The following ARMH3 variants were observed in gnomAD, a reference collection of about 807,000 sequenced individuals.
The protein encoded by ARMH3 is armadillo like helical domain containing 3, also known as armadillo-like helical domain-containing protein 3.
ARMH3 carries 60 observed loss-of-function variants against 99.1 expected under a neutral mutation model. The ratio of observed to expected loss-of-function variants is 0.61; its 90% CI spans 0.49 to 0.75. ARMH3 has a LOEUF of 0.75. Among genes scored for constraint, ARMH3 ranks in the 30% least tolerant of loss-of-function variants. The pLI is 0.00. For missense variants in ARMH3, 679 were observed against 843.1 expected (o/e 0.81, Z 2.41); for synonymous variants, 285 against 292.8 (o/e 0.97, Z 0.27).
intron 23 of ARMH3, among the ~76,000 whole-genome samples, chr10:101,906,474 G>A (rs1230908325): frequency 6.6e-6 from 1 of 152,202 alleles, no homozygotes; most frequent in East Asian, 1.9e-4. Context: ...GAACAGTTAG[G>A]AGGCTCTTAT....
In ARMH3 at chr10:102,013,951, A is replaced by T. The variant is rs1315050603; in HGVS notation, c.726+17T>A. 7.6e-6 allele frequency: 12 copies of T among 1,584,438 alleles called. No homozygotes were observed. Among genetic ancestry groups the T allele is most frequent in the Middle Eastern group, 1.7e-4 (1 of 5,988 alleles). On this transcript the variant is annotated intron_variant, in intron 9 of 25. Transcript: ENST00000370033. ...ATGCAAATAAGTAAGACAATACACAAGGATCCAGATACTCACATTGAGTGT... is the reference window on the plus strand; with the variant it reads ...ATGCAAATAAGTAAGACAATACACATGGATCCAGATACTCACATTGAGTGT...
Position 102,002,914 on chromosome 10 carries a change from T to C in ARMH3, c.1049-842A>G, listed in dbSNP as rs1031882370. 2.6e-5 allele frequency among the ~76,000 whole-genome samples: 4 copies of C among 151,334 alleles called. No individual in the cohort carries two copies. In the East Asian group the frequency reaches 6.0e-4, roughly 23 times the overall value. On this transcript the variant is annotated intron_variant, in intron 14 of 25. Transcript: ENST00000370033. The stretch of plus-strand genomic sequence containing the variant: ...AGGCGGAGGTTGTAGTGAGCCGAGA[T>C]GGCGCCACTGCACTCCAGCCTGGGT...
chr10:102,006,644 T>C lies in ARMH3; in HGVS notation c.955-11A>G, dbSNP rs745661640. ...CATTTCTGGATGGCTCTGAAAAAGA[T>C]ACACAGATGTGTAAGAAAACAGAAA... On this transcript the variant is annotated splice_polypyrimidine_tract_variant and intron_variant, in intron 13 of 25. Transcript: ENST00000370033. 1 of 1,611,458 alleles carries C rather than the reference T, an allele frequency of 6.2e-7. No homozygotes were observed. The highest frequency in any genetic ancestry group is 1.1e-5 in the South Asian group (1 of 91,010).
At chr10:101,855,504 G>A (rs1474877057) in intron 24 of ARMH3, among the ~76,000 whole-genome samples, 6 of 150,844 alleles carry the variant, frequency 4.0e-5, no homozygotes, top group Non-Finnish European at 5.9e-5. Flanking sequence ...GAGGTCAGGA[G>A]TTCAAGACCA....
At chr10:102,027,628 T>C (rs919518442) in intron 5 of ARMH3, among the ~76,000 whole-genome samples, 1 of 151,978 alleles carries the variant, frequency 6.6e-6, no homozygotes, top group African/African-American at 2.4e-5. Flanking sequence ...TCTGAGATCA[T>C]GAAGAGACAT....
chr10:101,876,590 T>C (rs748507623), intron 24 of ARMH3, among the ~76,000 whole-genome samples: 1 of 152,256 alleles, frequency 6.6e-6, no homozygotes, highest in Non-Finnish European at 1.5e-5. Context: ...AATGCTGTTA[T>C]GGTACTTGGG....
intron 1 of ARMH3, among the ~76,000 whole-genome samples, chr10:102,053,695 T>C (rs1409700406): frequency 6.6e-6 from 1 of 151,720 alleles, no homozygotes; most frequent in East Asian, 1.9e-4. Context: ...AGTCTCGCTC[T>C]GTCGCCCAGG....
chr10:102,023,379 C>A (rs1485473987), intron 8 of ARMH3, 98 bp downstream of exon 8: 2 of 1,084,606 alleles, frequency 1.8e-6, no homozygotes, highest in Non-Finnish European at 2.7e-6. Context: ...ATACCATTTA[C>A]CAAGAACGTC....
chr10:101,987,744 C>T (rs1256087297), intron 19 of ARMH3, among the ~76,000 whole-genome samples: 1 of 152,164 alleles, frequency 6.6e-6, no homozygotes, highest in Non-Finnish European at 1.5e-5. Context: ...GCCTACCAAC[C>T]CTACGGAGAG....
intron 20 of ARMH3, among the ~76,000 whole-genome samples, chr10:101,969,121 T>C (rs1045385070): frequency 1.3e-5 from 2 of 152,114 alleles, no homozygotes; most frequent in African/African-American, 4.8e-5. Flanking sequence ...CCCCTTCCCA[T>C]CTACTCTAGT....
intron 24 of ARMH3, among the ~76,000 whole-genome samples, chr10:101,856,564 T>TA (rs879305536): frequency 2.4e-3 from 306 of 129,848 alleles, no homozygotes; most frequent in African/African-American, 4.6e-3. Context: ...CTCCTAATCA[T>TA]AAAAAAAAAA....
At chr10:102,025,728 C>T (rs994785817) in intron 5 of ARMH3, among the ~76,000 whole-genome samples, 1 of 152,170 alleles carries the variant, frequency 6.6e-6, no homozygotes, top group Non-Finnish European at 1.5e-5. Flanking sequence ...TAGCACACTG[C>T]AACCTCAAAC....
chr10:101,883,011 T>A (rs2067455142), intron 24 of ARMH3, among the ~76,000 whole-genome samples: 1 of 152,238 alleles, frequency 6.6e-6, no homozygotes, highest in African/African-American at 2.4e-5. Flanking sequence ...AAGCATCACC[T>A]GTGAATTAGT....
At chr10:101,847,886 G>A (rs558280571) in intron 25 of ARMH3, among the ~76,000 whole-genome samples, 142 of 152,308 alleles carry the variant, frequency 9.3e-4, no homozygotes, top group African/African-American at 3.3e-3. Context: ...GTAGAAGCAG[G>A]CACAGACAAG....
chr10:101,885,079 G>A (rs916482169), intron 24 of ARMH3, among the ~76,000 whole-genome samples: 1 of 151,998 alleles, frequency 6.6e-6, no homozygotes, highest in Non-Finnish European at 1.5e-5. Context: ...ATATCATTAG[G>A]TAAATGCAAA....
intron 24 of ARMH3, among the ~76,000 whole-genome samples, chr10:101,867,881 A>G (rs2067040986): frequency 6.6e-6 from 1 of 151,462 alleles, no homozygotes; most frequent in Non-Finnish European, 1.5e-5. Context: ...TCTAATGGCT[A>G]TAATCTCAGC....
At chr10:101,885,943 G>C (rs1185793413) in intron 24 of ARMH3, among the ~76,000 whole-genome samples, 1 of 152,020 alleles carries the variant, frequency 6.6e-6, no homozygotes, top group Non-Finnish European at 1.5e-5. Flanking sequence ...TGTAATCCCA[G>C]CTACTAGGGA....
chr10:101,975,725 GT>G (rs1207640572), intron 19 of ARMH3, among the ~76,000 whole-genome samples: 1 of 152,012 alleles, frequency 6.6e-6, no homozygotes, highest in Non-Finnish European at 1.5e-5. Context: ...TTAGCTGGGT[GT>G]GGTGACATGT....
At chr10:101,895,269 G>A (rs1043883969) in intron 23 of ARMH3, among the ~76,000 whole-genome samples, 3 of 149,534 alleles carry the variant, frequency 2.0e-5, no homozygotes, top group Non-Finnish European at 4.5e-5. Flanking sequence ...GTCTAAAAAC[G>A]ATAAAATTCT....
Sources: allele counts gnomAD v4.1 joint callset (sites outside exome capture counted in the v4.1 genomes callset), GRCh38; gene constraint gnomAD v4.1.1; transcripts MANE v1.5; gene names NCBI Gene and HGNC (gene_info 2026-07-23, HGNC 2026-07-21).